RBBP5: variants seen among roughly 807,000 people sequenced by gnomAD.
The protein encoded by RBBP5 is RB binding protein 5, histone lysine methyltransferase complex subunit.
RBBP5 carries 5 observed loss-of-function variants against 72.2 expected under a neutral mutation model. The ratio of observed to expected loss-of-function variants is 0.07; its 90% CI spans 0.04 to 0.15. The LOEUF (loss-of-function observed/expected upper bound fraction) is 0.15. Among genes scored for constraint, RBBP5 ranks in the 10% least tolerant of loss-of-function variants. The pLI, the probability that RBBP5 is intolerant of heterozygous loss-of-function variation, is 1.00. For synonymous variants in RBBP5, 209 were observed against 237.2 expected, an observed-to-expected ratio of 0.88 and a Z score of 1.09; for missense variants, 322 against 652.2, an observed-to-expected ratio of 0.49 and a Z score of 5.51.
chr1:205,096,907 C>T lies in RBBP5; in HGVS notation c.1171G>A (p.Glu391Lys). Residue 391 changes from glutamate (E) to lysine (K), a missense_variant, in exon 12 of 14, where the codon GAA becomes AAA. By Grantham distance (56) the Glu-to-Lys change is moderately conservative. Coordinates refer to ENST00000264515, the MANE Select transcript of RBBP5 (RefSeq NM_005057.4). ...AGAGCCTTTGAATCTTCCAGCTCTT[C>T]ATCACTATTTGGAGCAGGATCAGAC... ...DPIAAFCSSD[E>K]ELEDSKALLY... 1 of 1,591,082 alleles carries T rather than the reference C, an allele frequency of 6.3e-7. No homozygotes were observed. The highest frequency in any genetic ancestry group is 8.6e-7 in the Non-Finnish European group (1 of 1,169,486).
rs566254049 is a variant in RBBP5, at chr1:205,111,265, C to G, written c.218+3524G>C. Among the ~76,000 whole-genome samples, 5 of 152,284 alleles carry G rather than the reference C, an allele frequency of 3.3e-5. No individual in the cohort carries two copies. The East Asian group carries it at 5.8e-4, about 18-fold the overall frequency. ...TGGGCATCTCAGATGCTTATTGGGA[C>G]ATTTCCCATTCATCCGACAAGTATC... On this transcript the variant is annotated intron_variant, in intron 3 of 13. Coordinates refer to ENST00000264515, the MANE Select transcript of RBBP5 (RefSeq NM_005057.4).
intron 3 of RBBP5, among the ~76,000 whole-genome samples, chr1:205,105,657 C>G (rs564302574): frequency 3.3e-5 from 5 of 152,326 alleles, no homozygotes; most frequent in African/African-American, 1.2e-4. Flanking sequence ...AAAAAAGGTT[C>G]TGAAAGGTAG....
chr1:205,093,660 G>GA (rs1414447588), intron 13 of RBBP5, among the ~76,000 whole-genome samples: 2 of 149,926 alleles, frequency 1.3e-5, no homozygotes, highest in South Asian at 2.1e-4. Flanking sequence ...ATGTTGTCGG[G>GA]AAAAAAATAT....
Position 205,103,036 on chromosome 1 carries a change from A to G in RBBP5, c.522+821T>C, listed in dbSNP as rs559282578. Among the ~76,000 whole-genome samples, 6 of 150,832 alleles carry G rather than the reference A, an allele frequency of 4.0e-5. No individual in the cohort carries two copies. The East Asian group carries it at 1.2e-3, about 29-fold the overall frequency. On this transcript the variant is annotated intron_variant, in intron 5 of 13. Transcript: ENST00000264515. ...AAATTGCCTTTCTAAGGCCGGGTGC[A>G]GTGGCTCACACCTATAATCACGGCA...
chr1:205,095,795 G>A (rs139385397), intron 12 of RBBP5, among the ~76,000 whole-genome samples: 3 of 152,280 alleles, frequency 2.0e-5, no homozygotes, highest in Non-Finnish European at 4.4e-5. Flanking sequence ...GTAAAAGTCA[G>A]CAATGGTACA....
At chr1:205,119,965 C>A (rs945166398) in intron 1 of RBBP5, among the ~76,000 whole-genome samples, 2 of 152,130 alleles carry the variant, frequency 1.3e-5, no homozygotes, top group Non-Finnish European at 2.9e-5. Context: ...TCCCATAAAT[C>A]CAAACCTGTC....
chr1:205,088,873 TA>T, intron 13 of RBBP5, 58 bp from the exon 14 acceptor site: 1 of 1,459,674 alleles, frequency 6.9e-7, no homozygotes, highest in East Asian at 2.4e-5. Flanking sequence ...CAGTTACTTG[TA>T]AGAACAGAAA....
intron 10 of RBBP5, among the ~76,000 whole-genome samples, chr1:205,097,964 T>C (rs1349417435): frequency 1.3e-5 from 2 of 152,138 alleles, no homozygotes; most frequent in Non-Finnish European, 2.9e-5. Context: ...CTGGGCATCC[T>C]AAGCATTCAC....
intron 3 of RBBP5, among the ~76,000 whole-genome samples, chr1:205,113,231 A>G (rs1009308447): frequency 6.6e-6 from 1 of 152,150 alleles, no homozygotes; most frequent in Non-Finnish European, 1.5e-5. Context: ...ATTTTCTAGA[A>G]TAAGTATATA....
At chr1:205,090,002 C>A (rs2151212873) in intron 13 of RBBP5, among the ~76,000 whole-genome samples, 1 of 152,282 alleles carries the variant, frequency 6.6e-6, no homozygotes, top group South Asian at 2.1e-4. Flanking sequence ...TAGGCGCCCA[C>A]CACCATGCCT....
intron 4 of RBBP5, 35 bp downstream of exon 4, chr1:205,104,993 G>A: frequency 6.2e-7 from 1 of 1,607,348 alleles, no homozygotes; most frequent in Non-Finnish European, 8.5e-7. Context: ...TATAGAATTA[G>A]ACCCCACCCC....
chr1:205,089,474 AG>A (rs1227040515), intron 13 of RBBP5, among the ~76,000 whole-genome samples: 4 of 152,354 alleles, frequency 2.6e-5, no homozygotes, highest in East Asian at 3.9e-4. Context: ...AATATTAACT[AG>A]GAAGTGTAAA....
intron 3 of RBBP5, among the ~76,000 whole-genome samples, chr1:205,110,564 A>G (rs1012676216): frequency 6.6e-6 from 1 of 152,196 alleles, no homozygotes; most frequent in Non-Finnish European, 1.5e-5. Context: ...CTAAGTGGAA[A>G]AGCAAGCTAC....
In RBBP5 at chr1:205,100,002, C is replaced by T. The variant is rs1655756845; in HGVS notation, c.815G>A (p.Arg272Gln). 2 of 1,614,042 alleles carry T rather than the reference C, an allele frequency of 1.2e-6. No homozygotes were observed. Among genetic ancestry groups the T allele is most frequent in the Non-Finnish European group, 1.7e-6 (2 of 1,180,044 alleles). The change falls in exon 8 of 14, where the codon CGG (arginine) becomes CAG (glutamine). Residue 272 changes from arginine to glutamine, a missense_variant. Physicochemically the swap from Arg to Gln is conservative, Grantham distance 43 (BLOSUM62 1). This residue lies in a region of RBBP5 where 161 missense variants were observed against 327.8 expected (regional missense o/e 0.49). Coordinates refer to ENST00000264515, the MANE Select transcript of RBBP5 (RefSeq NM_005057.4). ...CTCCCAGATGTACAGGGCATGCTGCCGGGCAGAACCTGCCACGATGTATTC... is the reference window on the plus strand; with the variant it reads ...CTCCCAGATGTACAGGGCATGCTGCTGGGCAGAACCTGCCACGATGTATTC... ...DGEYIVAGSA[R>Q]QHALYIWEKS...
At chr1:205,097,060 A>G in intron 11 of RBBP5, 149 bp from the exon 12 acceptor site, 1 of 766,072 alleles carries the variant, frequency 1.3e-6, no homozygotes, top group Non-Finnish European at 2.1e-6. Context: ...AAGGGAATCA[A>G]ACAATGTAAT....
In RBBP5 at chr1:205,099,612, A is replaced by G. The variant is rs955527203; in HGVS notation, c.978+129T>C. 2.1e-5 allele frequency: 21 copies of G among 1,011,352 alleles called. No individual in the cohort carries two copies. The highest frequency in any genetic ancestry group is 2.8e-5 in the Non-Finnish European group (19 of 689,212). 62.6% of individuals were successfully genotyped at this position (1,011,352 alleles called of 1,614,324 possible). A position where few individuals can be genotyped will look rare whatever the true frequency, so the allele number is the denominator to read the frequency against. On this transcript the variant is annotated intron_variant, in intron 9 of 13. Transcript: ENST00000264515. This position sits in a 1 kb window ranked among gnomAD's most constrained non-coding sequence, Gnocchi z 4.7. ...AAGTGCAACTAGATGCACTGAACCT[A>G]TGTAATTTAGGTTGCGAGAATCATA... is the stretch of plus-strand genomic sequence containing the variant.
chr1:205,096,053 C>T (rs1241134007), intron 12 of RBBP5, among the ~76,000 whole-genome samples: 5 of 151,902 alleles, frequency 3.3e-5, no homozygotes, highest in Admixed American at 2.6e-4. Flanking sequence ...ATTAGCCAGG[C>T]GTGGTGGTGC....
chr1:205,109,092 C>G (rs920053697), intron 3 of RBBP5, among the ~76,000 whole-genome samples: 3 of 152,172 alleles, frequency 2.0e-5, no homozygotes, highest in African/African-American at 7.2e-5. Context: ...AGCCTGCACA[C>G]AAAAGGACTC....
chr1:205,099,708 C>G lies in RBBP5; in HGVS notation c.978+33G>C, dbSNP rs752952091. On this transcript the variant is annotated intron_variant, in intron 9 of 13. Transcript: ENST00000264515. This position sits in a 1 kb window ranked among gnomAD's most constrained non-coding sequence, Gnocchi z 4.7. Reference sequence around the variant, plus strand: ...GTTCTTTGATAAAAAGAAGGGGTAACTAGTTTCGAAGCAAGTAAAATAGAA... The same window carrying G: ...GTTCTTTGATAAAAAGAAGGGGTAAGTAGTTTCGAAGCAAGTAAAATAGAA... The G allele has an allele frequency of 1.3e-6, 2 of 1,554,904 alleles. No homozygotes were observed.
Sources: allele counts gnomAD v4.1 joint callset (sites outside exome capture counted in the v4.1 genomes callset), GRCh38; gene constraint gnomAD v4.1.1; regional missense constraint gnomAD v4.1.1; non-coding constraint Gnocchi (gnomAD v3.1); transcripts MANE v1.5; gene names NCBI Gene and HGNC (gene_info 2026-07-23, HGNC 2026-07-21).